Variants in POU2F2 observed in about 807,000 individuals in gnomAD.
POU2F2 encodes the protein POU class 2 homeobox 2.
POU2F2 carries 14 observed loss-of-function variants against 63.5 expected under a neutral mutation model. That is an observed-to-expected ratio of 0.22 (90% CI 0.15 to 0.34). POU2F2 has a LOEUF of 0.34. Among genes scored for constraint, POU2F2 ranks in the 10% least tolerant of loss-of-function variants. The probability of loss-of-function intolerance (pLI) is 1.00; values close to 1 mark genes in which losing one functional copy is unlikely to be tolerated. For synonymous variants in POU2F2, 306 were observed against 348.6 expected, an observed-to-expected ratio of 0.88 and a Z score of 1.36; for missense variants, 607 against 815.2, an observed-to-expected ratio of 0.74 and a Z score of 3.11.
rs543706578 is a variant in POU2F2, at chr19:42,169,434, G to C, written c.-70+6529C>G. ...TCTGGGTTTTCATACCTGTGTCTGA[G>C]TATGTGTTTACCCCTGTTTCCAAAC... On this transcript the variant is annotated intron_variant, in intron 1 of 6. Transcript: ENST00000524801. The surrounding 1 kb of genome is among the most constrained non-coding windows in gnomAD (Gnocchi z 4.3). Among the ~76,000 whole-genome samples the C allele has an allele frequency of 6.6e-6, 1 of 152,362 alleles. No homozygotes were observed. The highest frequency in any genetic ancestry group is 2.4e-5 in the African/African-American group (1 of 41,584).
rs182835369 is a variant in POU2F2 at position 42,194,173 on chromosome 19, A to G, written c.-70+2210T>C. On this transcript the variant is annotated intron_variant, in intron 1 of 5. Coordinates refer to the POU2F2 transcript ENST00000532176. ...AGGCTGAGGCGGATCGCTTGAGCCC[A>G]GGAGTTCAAGACCAGCCTGGGCAAC... Among the ~76,000 whole-genome samples the G allele has an allele frequency of 2.4e-4, 37 of 151,746 alleles. No homozygotes were observed. The East Asian group carries it at 6.8e-3, about 28-fold the overall frequency.
chr19:42,177,805 G>C (rs1327516087), upstream of POU2F2, among the ~76,000 whole-genome samples: 1 of 152,096 alleles, frequency 6.6e-6, no homozygotes, highest in Non-Finnish European at 1.5e-5. Flanking sequence ...CAGAGACACA[G>C]AGACACCCAG....
intron 5 of POU2F2, among the ~76,000 whole-genome samples, chr19:42,104,438 G>T (rs1270594737): frequency 6.6e-6 from 1 of 151,918 alleles, no homozygotes. Context: ...GTGGCATTCT[G>T]GCAAAAGAGT....
In POU2F2 at chr19:42,153,621, T is replaced by A. The variant is rs2146776068; in HGVS notation, c.-9+6711A>T. Reference sequence around the variant, plus strand: ...GTCTCTATGTGTACTGGAAGCAGGTTCTCCTCATGAGTGTCGGAGAGTCCA... The same window carrying A: ...GTCTCTATGTGTACTGGAAGCAGGTACTCCTCATGAGTGTCGGAGAGTCCA... On this transcript the variant is annotated intron_variant, in intron 2 of 6. Transcript: ENST00000524801. The surrounding 1 kb of genome is among the most constrained non-coding windows in gnomAD (Gnocchi z 5.6). 6.6e-6 allele frequency among the ~76,000 whole-genome samples: 1 copy of A among 152,184 alleles called. No homozygotes were observed. The highest frequency in any genetic ancestry group is 6.5e-5 in the Admixed American group (1 of 15,290).
At chr19:42,145,508 G>T (rs1025538855) in intron 2 of POU2F2, among the ~76,000 whole-genome samples, 1 of 152,204 alleles carries the variant, frequency 6.6e-6, no homozygotes, top group Non-Finnish European at 1.5e-5. Context: ...GCCTGTCATC[G>T]TTGAAGCAAA....
Position 42,155,982 on chromosome 19 carries a change from G to A in POU2F2, c.-9+4350C>T, listed in dbSNP as rs2034449606. On this transcript the variant is annotated intron_variant, in intron 2 of 6. Coordinates refer to the POU2F2 transcript ENST00000524801. This position sits in a 1 kb window ranked among gnomAD's most constrained non-coding sequence, Gnocchi z 4.2. ...GGCAGCGTGAGCCCAACAACCACGG[G>A]GTGGGGGTGGGGCGCGCATCAAGAT... 1 of 152,248 alleles carries A rather than the reference G, an allele frequency of 6.6e-6. No homozygotes were observed. The highest frequency in any genetic ancestry group is 1.5e-5 in the Non-Finnish European group (1 of 68,086). The allele number at this position is 152,248 out of a possible 1,614,324, so 9.4% of individuals were successfully genotyped here.
chr19:42,167,457 A>C (rs1265022678), intron 1 of POU2F2, among the ~76,000 whole-genome samples: 1 of 151,790 alleles, frequency 6.6e-6, no homozygotes, highest in African/African-American at 2.4e-5. Flanking sequence ...CTGTCCCCCC[A>C]AACTCCAAAA....
At chr19:42,176,179 G>A (rs1388569998), upstream of POU2F2, among the ~76,000 whole-genome samples, 1 of 152,050 alleles carries the variant, frequency 6.6e-6, no homozygotes, top group Non-Finnish European at 1.5e-5. Flanking sequence ...GTCAAAATGG[G>A]GGTCCCGCCC....
In POU2F2 at chr19:42,153,339, T is replaced by C. The variant is rs2034392098; in HGVS notation, c.-9+6993A>G. ...GGCTGTGTATGCACTTCCATGAGTG[T>C]TTCCCTGACGCTAAGTCTCTGTCTG... On this transcript the variant is annotated intron_variant, in intron 2 of 6. Transcript: ENST00000524801. This position sits in a 1 kb window ranked among gnomAD's most constrained non-coding sequence, Gnocchi z 5.6. Among the ~76,000 whole-genome samples, 1 of 152,108 alleles carries C rather than the reference T, an allele frequency of 6.6e-6. No homozygotes were observed. The highest frequency in any genetic ancestry group is 1.5e-5 in the Non-Finnish European group (1 of 67,992).
intron 5 of POU2F2, among the ~76,000 whole-genome samples, chr19:42,106,573 C>T (rs140599217): frequency 6.6e-6 from 1 of 152,246 alleles, no homozygotes; most frequent in East Asian, 1.9e-4. Flanking sequence ...AGCATCCATG[C>T]AATATAACCC....
At chr19:42,182,003 C>T (rs1256314474) in intron 1 of POU2F2, among the ~76,000 whole-genome samples, 1 of 151,978 alleles carries the variant, frequency 6.6e-6, no homozygotes, top group South Asian at 2.1e-4. Context: ...TCTTGGGGCT[C>T]CCTTATAATC....
intron 1 of POU2F2, among the ~76,000 whole-genome samples, chr19:42,165,560 G>A (rs1396499712): frequency 1.3e-5 from 2 of 152,212 alleles, no homozygotes; most frequent in Non-Finnish European, 2.9e-5. Context: ...GCAGACTCCT[G>A]AGATAATGTG....
At chr19:42,106,767 G>A (rs1324273760) in intron 5 of POU2F2, among the ~76,000 whole-genome samples, 3 of 146,990 alleles carry the variant, frequency 2.0e-5, no homozygotes, top group African/African-American at 5.0e-5. Context: ...AAACAAGAAG[G>A]AGGAAGAGGA....
intron 1 of POU2F2, among the ~76,000 whole-genome samples, chr19:42,186,195 G>A (rs1362132993): frequency 1.3e-5 from 2 of 152,086 alleles, no homozygotes; most frequent in African/African-American, 4.8e-5. Flanking sequence ...TGTGGTGGCG[G>A]GCGTCTGTAG....
chr19:42,100,085 C>CTTTTTTTTTTTTTTTT (rs948283094), intron 5 of POU2F2, among the ~76,000 whole-genome samples: 1 of 77,080 alleles, frequency 1.3e-5, no homozygotes, highest in East Asian at 4.0e-4. Context: ...CCCTTTCTTT[C>CTTTTTTTTTTTTTTTT]TTTTTTTTTT....
chr19:42,117,003 G>C lies in POU2F2; in HGVS notation c.369+247C>G, dbSNP rs770430286. ...GCTGCTGAGCTGGCATCAGTGCCGTGAGCTGCGGGGTGTCGGGGACAGCAG... is the reference window on the plus strand; with the variant it reads ...GCTGCTGAGCTGGCATCAGTGCCGTCAGCTGCGGGGTGTCGGGGACAGCAG... On this transcript the variant is annotated intron_variant, in intron 5 of 14. Coordinates refer to ENST00000692977, the MANE Select transcript of POU2F2 (RefSeq NM_001394376.1). The surrounding 1 kb of genome is among the most constrained non-coding windows in gnomAD (Gnocchi z 4.4). 9 of 623,154 alleles carry C rather than the reference G, an allele frequency of 1.4e-5. No individual in the cohort carries two copies. Among genetic ancestry groups the C allele is most frequent in the Non-Finnish European group, 2.3e-5 (8 of 343,502 alleles). The allele number at this position is 623,154 out of a possible 1,614,324, so 38.6% of individuals were successfully genotyped here.
chr19:42,111,553 A>G (rs1382240326), intron 5 of POU2F2, among the ~76,000 whole-genome samples: 1 of 152,194 alleles, frequency 6.6e-6, no homozygotes, highest in Non-Finnish European at 1.5e-5. Flanking sequence ...TAACATGTCC[A>G]AAATGAAACT....
chr19:42,155,880 AG>A lies in POU2F2; in HGVS notation c.-9+4451del, dbSNP rs2034447816. 6.6e-6 allele frequency: 1 copy of A among 152,452 alleles called. No individual in the cohort carries two copies. Among genetic ancestry groups the A allele is most frequent in the Non-Finnish European group, 1.5e-5 (1 of 68,178 alleles). The allele number at this position is 152,452 out of a possible 1,614,324, so 9.4% of individuals were successfully genotyped here. A position where few individuals can be genotyped will look rare whatever the true frequency, so the allele number is the denominator to read the frequency against. On this transcript the variant is annotated intron_variant, in intron 2 of 6. Coordinates refer to the POU2F2 transcript ENST00000524801. This position sits in a 1 kb window ranked among gnomAD's most constrained non-coding sequence, Gnocchi z 4.2. ...CACATAATGAAGACTAAGAAAAGGA[AG>A]AAAGATGATGCTGGGGCTGGAGCCA...
At chr19:42,121,799 A>C (rs983958728) in intron 4 of POU2F2, among the ~76,000 whole-genome samples, 1 of 152,002 alleles carries the variant, frequency 6.6e-6, no homozygotes, top group Non-Finnish European at 1.5e-5. Context: ...TGGCCGCTAA[A>C]TGTGTATATT....
Sources: gnomAD v4.1 joint callset for allele counts (sites outside exome capture counted in the v4.1 genomes callset) on GRCh38, gnomAD v4.1.1 for gene constraint, Gnocchi (gnomAD v3.1) non-coding constraint, MANE v1.5 for transcripts, NCBI Gene and HGNC (gene_info 2026-07-23, HGNC 2026-07-21) for gene names.